Variants in FER observed in about 807,000 individuals in gnomAD.
FER encodes FER tyrosine kinase.
FER carries 63 observed loss-of-function variants against 111.0 expected under a neutral mutation model. The observed-to-expected ratio is 0.57, with a 90% CI of 0.46 to 0.70. FER has a LOEUF of 0.70. FER is among the 30% of genes least tolerant of loss of function. The probability of loss-of-function intolerance (pLI) is 0.00; values close to 1 mark genes in which losing one functional copy is unlikely to be tolerated. For synonymous variants in FER, 327 were observed against 313.9 expected, an observed-to-expected ratio of 1.04 and a Z score of -0.44; for missense variants, 914 against 954.0, an observed-to-expected ratio of 0.96 and a Z score of 0.55.
At chr5:109,102,083 A>G (rs1748297702) in intron 17 of FER, among the ~76,000 whole-genome samples, 1 of 152,126 alleles carries the variant, frequency 6.6e-6, no homozygotes, top group South Asian at 2.1e-4. Flanking sequence ...TTCTTAAAAA[A>G]TGGGTCACTG....
chr5:109,087,677 C>CT lies in FER; in HGVS notation c.1925-12710dup, dbSNP rs1425531955. ...AAAAAAGTTTCCAATCCTCGGTGCA[C>CT]TTTTTTTTTGGTTTTTGTTTTGGTA... On this transcript the variant is annotated intron_variant, in intron 16 of 19. Coordinates refer to ENST00000281092, the MANE Select transcript of FER (RefSeq NM_005246.4). Among the ~76,000 whole-genome samples the CT allele has an allele frequency of 5.7e-4, 85 of 148,854 alleles. 1 individual carries two copies. Among genetic ancestry groups the CT allele is most frequent in the African/African-American group, 6.7e-4 (27 of 40,592 alleles).
At chr5:108,752,588 G>A (rs930513246) in intron 1 of FER, among the ~76,000 whole-genome samples, 1 of 151,938 alleles carries the variant, frequency 6.6e-6, no homozygotes, top group African/African-American at 2.4e-5. Context: ...TTCTTATTCT[G>A]TAAGTATAAA....
intron 10 of FER, among the ~76,000 whole-genome samples, chr5:108,909,453 A>C (rs1230227594): frequency 1.3e-5 from 2 of 152,208 alleles, no homozygotes; most frequent in Non-Finnish European, 2.9e-5. Context: ...AGTAGAGGCT[A>C]AGTTTTCTTG....
Position 108,834,698 on chromosome 5 carries a change from CAA to C in FER, c.382-991_382-990del, listed in dbSNP as rs758205074. Among the ~76,000 whole-genome samples, 52 of 51,618 alleles carry C rather than the reference CAA, an allele frequency of 1.0e-3. 1 individual carries two copies. Among genetic ancestry groups the C allele is most frequent in the Admixed American group, 5.7e-3 (27 of 4,732 alleles). 33.9% of individuals were successfully genotyped at this position (51,618 alleles called of 152,430 possible). On this transcript the variant is annotated intron_variant, in intron 4 of 19. Coordinates refer to ENST00000281092, the MANE Select transcript of FER (RefSeq NM_005246.4). ...TGGGCAACAGAGGGAGATTCTGTCT[CAA>C]AAAAAAAAAAAAAAAAAAGTTTGGT...
intron 13 of FER, among the ~76,000 whole-genome samples, chr5:108,985,054 C>A (rs1017558256): frequency 1.8e-4 from 28 of 151,956 alleles, no homozygotes; most frequent in Admixed American, 1.4e-3. Context: ...GATAATAAGA[C>A]AAATTACGAA....
intron 2 of FER, among the ~76,000 whole-genome samples, chr5:108,772,741 C>T (rs1410010488): frequency 1.3e-5 from 2 of 152,154 alleles, no homozygotes; most frequent in Non-Finnish European, 2.9e-5. Flanking sequence ...ACTTGATCTG[C>T]TGGCACTAGT....
intron 1 of FER, among the ~76,000 whole-genome samples, 173 bp from the exon 2 acceptor site, chr5:108,767,920 G>C (rs997191896): frequency 3.3e-5 from 5 of 152,192 alleles, no homozygotes; most frequent in African/African-American, 1.2e-4. Context: ...ATAGGGGAGG[G>C]AGTAAGCAAT....
chr5:109,175,460 T>G (rs1757573511), intron 17 of FER, among the ~76,000 whole-genome samples: 1 of 152,144 alleles, frequency 6.6e-6, no homozygotes, highest in Non-Finnish European at 1.5e-5. Flanking sequence ...AAAAAAGGAT[T>G]GAAGACTTAA....
chr5:108,971,953 T>G (rs1760723894), intron 13 of FER, among the ~76,000 whole-genome samples: 1 of 151,740 alleles, frequency 6.6e-6, no homozygotes, highest in Admixed American at 6.6e-5. Flanking sequence ...ATTGTTGAAG[T>G]TTTTTTTCCC....
At chr5:109,075,139 A>T (rs1776172723) in intron 16 of FER, among the ~76,000 whole-genome samples, 1 of 152,058 alleles carries the variant, frequency 6.6e-6, no homozygotes, top group Non-Finnish European at 1.5e-5. Context: ...CCCTTCTCTC[A>T]TCTCTTGTTT....
chr5:108,813,925 A>T (rs889138140), intron 3 of FER, among the ~76,000 whole-genome samples: 1 of 152,168 alleles, frequency 6.6e-6, no homozygotes, highest in Non-Finnish European at 1.5e-5. Flanking sequence ...TTAGGGTGGA[A>T]CAAATGGAGA....
intron 13 of FER, among the ~76,000 whole-genome samples, chr5:108,987,711 C>G (rs965462744): frequency 6.6e-6 from 1 of 152,080 alleles, no homozygotes; most frequent in African/African-American, 2.4e-5. Context: ...TTAGGGTTTT[C>G]TAGGTATACA....
At chr5:108,988,457 T>C (rs1762815539) in intron 13 of FER, among the ~76,000 whole-genome samples, 1 of 152,182 alleles carries the variant, frequency 6.6e-6, no homozygotes, top group Non-Finnish European at 1.5e-5. Flanking sequence ...CATTTCAATC[T>C]CACTGCTTAT....
At chr5:109,107,469 CCT>C (rs1398552645) in intron 17 of FER, among the ~76,000 whole-genome samples, 1 of 151,912 alleles carries the variant, frequency 6.6e-6, no homozygotes, top group East Asian at 1.9e-4. Context: ...TTTTTCTGCT[CCT>C]CTCCCTCCCT....
At chr5:108,878,100 T>A (rs191295916) in intron 8 of FER, among the ~76,000 whole-genome samples, 46 of 152,106 alleles carry the variant, frequency 3.0e-4, no homozygotes, top group Admixed American at 7.9e-4. Context: ...AGAGATGGGG[T>A]TTCACCATGT....
In FER at chr5:109,052,233, C is replaced by T. The variant is rs527510846; in HGVS notation, c.1924+5035C>T. On this transcript the variant is annotated intron_variant, in intron 16 of 19. Coordinates refer to ENST00000281092, the MANE Select transcript of FER (RefSeq NM_005246.4). ...ATATGATCTGCAGGACCCAGAAGCG[C>T]ACATGAGAGATTGGGAAAGACTTGT... 4.5e-5 allele frequency: 73 copies of T among 1,607,254 alleles called. 1 individual carries two copies. In the South Asian group the frequency reaches 7.8e-4, roughly 17 times the overall value.
At chr5:108,979,814 A>G (rs1761820305) in intron 13 of FER, among the ~76,000 whole-genome samples, 1 of 152,106 alleles carries the variant, frequency 6.6e-6, no homozygotes, top group Non-Finnish European at 1.5e-5. Flanking sequence ...TTGCCTTTTT[A>G]TATGAATACA....
At chr5:109,079,175 CTTA>C (rs1639695156) in intron 16 of FER, among the ~76,000 whole-genome samples, 1 of 152,056 alleles carries the variant, frequency 6.6e-6, no homozygotes, top group Non-Finnish European at 1.5e-5. Flanking sequence ...CCTATTTTAT[CTTA>C]TTAGTTGAAA....
chr5:108,847,654 T>C (rs1028609875), intron 5 of FER, among the ~76,000 whole-genome samples: 1 of 152,176 alleles, frequency 6.6e-6, no homozygotes, highest in African/African-American at 2.4e-5. Context: ...TTCTTGTAGT[T>C]CTATCAGTTT....
Sources: gnomAD v4.1 joint callset for allele counts (sites outside exome capture counted in the v4.1 genomes callset) on GRCh38, gnomAD v4.1.1 for gene constraint, MANE v1.5 for transcripts, NCBI Gene and HGNC (gene_info 2026-07-23, HGNC 2026-07-21) for gene names.